The following BMP7 variants were observed in gnomAD, a reference collection of about 807,000 sequenced individuals.
BMP7 encodes osteogenic protein 1.
A neutral mutation model predicts 41.2 loss-of-function variants in BMP7; 12 were observed. That is an observed-to-expected ratio of 0.29 (90% CI 0.19 to 0.47). The LOEUF is 0.47. Ranked by LOEUF, BMP7 falls within the 20% of genes least tolerant of loss-of-function variation. BMP7 has a pLI of 0.99. For synonymous variants in BMP7, 248 were observed against 250.0 expected, an observed-to-expected ratio of 0.99 and a Z score of 0.07; for missense variants, 467 against 606.0, an observed-to-expected ratio of 0.77 and a Z score of 2.41.
intron 2 of BMP7, among the ~76,000 whole-genome samples, chr20:57,212,157 CA>C (rs1418632543): frequency 4.6e-5 from 7 of 152,100 alleles, no homozygotes; most frequent in African/African-American, 1.7e-4. Context: ...GTGAGCAAGA[CA>C]AAAGAAAAGG....
intron 3 of BMP7, among the ~76,000 whole-genome samples, chr20:57,199,570 T>C (rs1284701080): frequency 2.0e-5 from 3 of 152,102 alleles, no homozygotes; most frequent in Non-Finnish European, 2.9e-5. Flanking sequence ...GAAATGGAGC[T>C]CAGGCACCTG....
At chr20:57,203,299 T>C (rs1411546050) in intron 2 of BMP7, among the ~76,000 whole-genome samples, 1 of 152,166 alleles carries the variant, frequency 6.6e-6, no homozygotes, top group Non-Finnish European at 1.5e-5. Flanking sequence ...CCTTACTTTT[T>C]ACAGTAGCAA....
intron 3 of BMP7, among the ~76,000 whole-genome samples, chr20:57,185,028 C>G: frequency 6.6e-6 from 1 of 152,146 alleles, no homozygotes; most frequent in East Asian, 1.9e-4. Flanking sequence ...TGGGGTGGGA[C>G]TTTCAGTGGT....
chr20:57,171,799 G>A lies in BMP7; in HGVS notation c.1147-691C>T, dbSNP rs981184696. On this transcript the variant is annotated intron_variant, in intron 6 of 6. Transcript: ENST00000395863. This position sits in a 1 kb window ranked among gnomAD's most constrained non-coding sequence, Gnocchi z 4.5. ...ACTGGCACTCTGTTCACAGCCTCCA[G>A]GCTGTGACTGCTGACATAGGCCAGC... Among the ~76,000 whole-genome samples the A allele has an allele frequency of 1.3e-5, 2 of 152,222 alleles. No homozygotes were observed. The highest frequency in any genetic ancestry group is 2.9e-5 in the Non-Finnish European group (2 of 68,042).
At position 57,212,873 on chromosome 20, in the gene BMP7, C is replaced by T. The variant is rs567424493; in HGVS notation, c.612-10250G>A. 2.3e-3 allele frequency among the ~76,000 whole-genome samples: 347 copies of T among 152,314 alleles called. 1 individual carries two copies. In the Middle Eastern group the frequency reaches 0.034, roughly 15 times the overall value. On this transcript the variant is annotated intron_variant, in intron 2 of 6. Transcript: ENST00000395863. ...GCTGCAGGCTGGGGAGGACTCAGCC[C>T]GGGCCCCAGGCTCCCCCACCTCAGC...
At chr20:57,258,939 G>A (rs2057022380) in intron 1 of BMP7, among the ~76,000 whole-genome samples, 1 of 152,192 alleles carries the variant, frequency 6.6e-6, no homozygotes, top group Admixed American at 6.5e-5. Flanking sequence ...CTAGGTGACA[G>A]CCTCTGCGCA....
intron 1 of BMP7, among the ~76,000 whole-genome samples, chr20:57,249,763 A>G (rs2066104868): frequency 6.6e-6 from 1 of 152,190 alleles, no homozygotes; most frequent in Non-Finnish European, 1.5e-5. Flanking sequence ...GTCTACTGTC[A>G]TGTTCACGGA....
At chr20:57,183,211 G>T (rs1286359192) in intron 4 of BMP7, among the ~76,000 whole-genome samples, 1 of 151,932 alleles carries the variant, frequency 6.6e-6, no homozygotes, top group East Asian at 1.9e-4. Context: ...CTGCAGCCTG[G>T]GTGACAGAGT....
intron 3 of BMP7, among the ~76,000 whole-genome samples, chr20:57,192,229 TATATA>T (rs1401312823): frequency 7.9e-6 from 1 of 126,928 alleles, no homozygotes; most frequent in African/African-American, 3.0e-5. Context: ...ACTATTATAT[TATATA>T]ATAGTATATA....
At position 57,266,034 on chromosome 20, in the gene BMP7, T is replaced by C. The variant is rs2066176585; in HGVS notation, c.89A>G (p.Asp30Gly). 1 of 1,546,298 alleles carries C rather than the reference T, an allele frequency of 6.5e-7. No individual in the cohort carries two copies. Among genetic ancestry groups the C allele is most frequent in the African/African-American group, 1.4e-5 (1 of 73,036 alleles). Residue 30 changes from aspartate (D) to glycine (G), a missense_variant, in exon 1 of 7, where the codon GAC (aspartate) becomes GGC (glycine). Physicochemically the swap from Asp to Gly is moderately conservative, Grantham distance 94. Coordinates refer to ENST00000395863, the MANE Select transcript of BMP7 (RefSeq NM_001719.3). The stretch of plus-strand genomic sequence containing the variant: ...GTGCACCTCGTTGTCCAGGCTGAAG[T>C]CGGCCAGGGCGGAGCGCAGCAGGAA... ...PLFLLRSALA[D>G]FSLDNEVHSS...
At chr20:57,222,574 G>A (rs748757999) in intron 2 of BMP7, among the ~76,000 whole-genome samples, 3 of 152,078 alleles carry the variant, frequency 2.0e-5, no homozygotes, top group African/African-American at 7.2e-5. Context: ...CCCAGAGAAA[G>A]GGACTGCGAG....
chr20:57,216,995 C>T (rs1283390043), intron 2 of BMP7, among the ~76,000 whole-genome samples: 1 of 152,186 alleles, frequency 6.6e-6, no homozygotes, highest in African/African-American at 2.4e-5. Flanking sequence ...AGGAGCCAGA[C>T]TAGGGCCTCA....
chr20:57,202,654 G>A (rs1174546210), intron 2 of BMP7, 31 bp from the exon 3 acceptor site: 42 of 1,604,806 alleles, frequency 2.6e-5, no homozygotes, highest in South Asian at 1.4e-4. Context: ...CACGGGCTTC[G>A]CGTTAGCCAG....
intron 1 of BMP7, among the ~76,000 whole-genome samples, chr20:57,264,261 C>A (rs1345651383): frequency 2.0e-5 from 3 of 152,162 alleles, no homozygotes; most frequent in African/African-American, 4.8e-5. Context: ...CGCCCCCAGT[C>A]CACGCCCCAG....
intron 1 of BMP7, among the ~76,000 whole-genome samples, chr20:57,253,986 T>C (rs1278090978): frequency 6.7e-6 from 1 of 150,218 alleles, no homozygotes; most frequent in Non-Finnish European, 1.5e-5. Flanking sequence ...CAGTCCAGGA[T>C]ACCACATTGT....
At chr20:57,180,982 C>T (rs955705627) in intron 4 of BMP7, among the ~76,000 whole-genome samples, 1 of 152,204 alleles carries the variant, frequency 6.6e-6, no homozygotes, top group Non-Finnish European at 1.5e-5. Flanking sequence ...CTGCTGCTAT[C>T]CCCTCGCCAG....
intron 1 of BMP7, among the ~76,000 whole-genome samples, chr20:57,257,192 G>T (rs905982732): frequency 6.6e-6 from 1 of 152,140 alleles, no homozygotes; most frequent in East Asian, 1.9e-4. Context: ...GATTTTTAAC[G>T]CACCAAGATT....
chr20:57,202,832 G>A (rs1984655066), intron 2 of BMP7, among the ~76,000 whole-genome samples: 1 of 152,172 alleles, frequency 6.6e-6, no homozygotes, highest in African/African-American at 2.4e-5. Flanking sequence ...GCTACAAAGA[G>A]ATACACGCAG....
chr20:57,247,835 C>T (rs967278337), intron 1 of BMP7, among the ~76,000 whole-genome samples: 3 of 152,206 alleles, frequency 2.0e-5, no homozygotes, highest in African/African-American at 7.2e-5. Flanking sequence ...TCCACCCCAG[C>T]CTCTGCTTCC....
Sources: allele counts gnomAD v4.1 joint callset (sites outside exome capture counted in the v4.1 genomes callset), GRCh38; gene constraint gnomAD v4.1.1; non-coding constraint Gnocchi (gnomAD v3.1); transcripts MANE v1.5; gene names NCBI Gene and HGNC (gene_info 2026-07-23, HGNC 2026-07-21).